The following WDFY3 variants were observed in gnomAD, a reference collection of about 807,000 sequenced individuals.
The protein encoded by WDFY3 is WD repeat and FYVE domain-containing protein 3.
A neutral mutation model predicts 409.6 loss-of-function variants in WDFY3; 66 were observed. The ratio of observed to expected loss-of-function variants is 0.16; its 90% CI spans 0.13 to 0.20. The LOEUF (loss-of-function observed/expected upper bound fraction) is 0.20. Ranked by LOEUF, WDFY3 falls within the 10% of genes least tolerant of loss-of-function variation. WDFY3 has a pLI of 1.00. For synonymous variants in WDFY3, 1,521 were observed against 1,537.1 expected (o/e 0.99, Z 0.25); for missense variants, 3,031 against 4,298.1 (o/e 0.71, Z 8.24).
intron 2 of WDFY3, among the ~76,000 whole-genome samples, chr4:84,898,419 G>GT (rs1000284480): frequency 6.6e-6 from 1 of 152,104 alleles, no homozygotes; most frequent in Non-Finnish European, 1.5e-5. Flanking sequence ...GTAGAAAAGA[G>GT]TTTTTTTGTT....
intron 15 of WDFY3, 129 bp downstream of exon 15, chr4:84,808,205 A>AAAAAC (rs771952035): frequency 6.2e-6 from 5 of 801,014 alleles, no homozygotes; most frequent in East Asian, 2.7e-5. Flanking sequence ...CCCCAAAAGT[A>AAAAAC]AAAACAAAAC....
At chr4:84,690,758 C>A in intron 60 of WDFY3, 94 bp from the exon 61 acceptor site, 1 of 1,416,420 alleles carries the variant, frequency 7.1e-7, no homozygotes, top group Non-Finnish European at 9.4e-7. Flanking sequence ...GGTGCAGGCA[C>A]CTCACCAGCA....
intron 4 of WDFY3, among the ~76,000 whole-genome samples, chr4:84,857,421 C>T (rs930629494): frequency 1.3e-5 from 2 of 152,086 alleles, no homozygotes; most frequent in African/African-American, 4.8e-5. Flanking sequence ...ATGTTAATAG[C>T]CAAGAACAAT....
intron 3 of WDFY3, among the ~76,000 whole-genome samples, chr4:84,865,180 C>T (rs552169242): frequency 5.3e-5 from 8 of 152,242 alleles, no homozygotes; most frequent in African/African-American, 1.9e-4. Flanking sequence ...TGAGCCACCG[C>T]ACCTGGCCTC....
At chr4:84,687,143 CCTT>C (rs768813205) in intron 62 of WDFY3, among the ~76,000 whole-genome samples, 22 of 152,030 alleles carry the variant, frequency 1.4e-4, no homozygotes, top group South Asian at 4.1e-4. Flanking sequence ...ACATTTCTAA[CCTT>C]CTTCTTCTTT....
chr4:84,810,161 T>C lies in WDFY3; in HGVS notation c.2071A>G (p.Thr691Ala). Reference sequence around the variant, plus strand: ...TCATAGCGCATTGCTGCAGTCAACGTGCAGAACACAGTGTGAAGAAGTTCA... The same window carrying C: ...TCATAGCGCATTGCTGCAGTCAACGCGCAGAACACAGTGTGAAGAAGTTCA... ...VFELLHTVFC[T>A]LTAAMRYEPA... is the part of the protein sequence containing the mutation. The change falls in exon 14 of 68, where the codon ACG (threonine) becomes GCG (alanine). Residue 691 changes from threonine (T) to alanine (A), a missense_variant. Physicochemically the swap from Thr to Ala is moderately conservative, Grantham distance 58. This residue lies in a region of WDFY3 where 1,322 missense variants were observed against 1,697.9 expected (regional missense o/e 0.78). Transcript: ENST00000295888. The C allele has an allele frequency of 6.2e-7, 1 of 1,614,174 alleles. No homozygotes were observed. Among genetic ancestry groups the C allele is most frequent in the Non-Finnish European group, 8.5e-7 (1 of 1,180,000 alleles).
intron 2 of WDFY3, among the ~76,000 whole-genome samples, chr4:84,914,779 G>A (rs1486658492): frequency 6.6e-6 from 1 of 152,170 alleles, no homozygotes; most frequent in Non-Finnish European, 1.5e-5. Context: ...AGCAAGTTTA[G>A]TGGTTCCTCA....
intron 1 of WDFY3, chr4:84,965,596 T>A (rs1325192436): frequency 6.6e-6 from 1 of 152,244 alleles, no homozygotes; most frequent in African/African-American, 2.4e-5. Flanking sequence ...TGTGAATGTT[T>A]GCGATGCCAC....
rs748483915 is a variant in WDFY3, at chr4:84,826,870, G to A, written c.1068C>T (p.Thr356=). 6 of 1,610,196 alleles carry A rather than the reference G, an allele frequency of 3.7e-6. No homozygotes were observed. Among genetic ancestry groups the A allele is most frequent in the South Asian group, 1.1e-5 (1 of 90,460 alleles). The change falls in exon 10 of 68, where the codon ACC becomes ACT. Residue 356 remains threonine, a synonymous_variant. Transcript: ENST00000295888. ...CAGGCAATAAAAAGGGTGCCCCTGTGGTAATACCAGCTGGTTTTAGTTCAC... is the reference window on the plus strand; with the variant it reads ...CAGGCAATAAAAAGGGTGCCCCTGTAGTAATACCAGCTGGTTTTAGTTCAC... ...GVSELKPAGI[T]TGAPFLLPGF...
At chr4:84,741,218 G>C (rs940257300) in intron 38 of WDFY3, among the ~76,000 whole-genome samples, 17 of 151,966 alleles carry the variant, frequency 1.1e-4, no homozygotes, top group African/African-American at 4.1e-4. Context: ...AAATCTATCT[G>C]GGTAGCAAAG....
At chr4:84,764,783 T>C (rs1743330922) in intron 32 of WDFY3, among the ~76,000 whole-genome samples, 1 of 149,458 alleles carries the variant, frequency 6.7e-6, no homozygotes, top group Admixed American at 6.7e-5. Flanking sequence ...GCAGGAAGAA[T>C]GAACCCGGAA....
At chr4:84,703,169 T>G (rs1341856774) in intron 55 of WDFY3, among the ~76,000 whole-genome samples, 2 of 152,088 alleles carry the variant, frequency 1.3e-5, no homozygotes, top group Admixed American at 6.5e-5. Context: ...AAGAAAAGAT[T>G]CTAATGTAAA....
At chr4:84,752,425 A>T (rs1405544207) in intron 35 of WDFY3, among the ~76,000 whole-genome samples, 1 of 151,984 alleles carries the variant, frequency 6.6e-6, no homozygotes, top group Admixed American at 6.6e-5. Flanking sequence ...GTGAGGCAGT[A>T]GAATCACAGG....
At position 84,739,529 on chromosome 4, in the gene WDFY3, C is replaced by G. The variant is rs553310811; in HGVS notation, c.6465-410G>C. On this transcript the variant is annotated intron_variant, in intron 39 of 67. Transcript: ENST00000295888. ...TGAGGTGCCACACTCCTTCTTCCCT[C>G]TGGGCATTCATACAGACTGTTCTTT... Among the ~76,000 whole-genome samples, 15 of 152,298 alleles carry G rather than the reference C, an allele frequency of 9.8e-5. No individual in the cohort carries two copies. In the South Asian group the frequency reaches 3.1e-3, roughly 32 times the overall value.
At chr4:84,892,321 A>G (rs901394162) in intron 3 of WDFY3, among the ~76,000 whole-genome samples, 9 of 151,990 alleles carry the variant, frequency 5.9e-5, no homozygotes, top group Non-Finnish European at 8.8e-5. Flanking sequence ...AATCTCTTAT[A>G]AAGTGTGCAT....
At chr4:84,949,833 G>A (rs1413023291) in intron 1 of WDFY3, among the ~76,000 whole-genome samples, 2 of 152,100 alleles carry the variant, frequency 1.3e-5, no homozygotes, top group African/African-American at 4.8e-5. Context: ...TTTACCTCAG[G>A]CCCCTTATAA....
intron 14 of WDFY3, chr4:84,808,873 T>C (rs1472971774): frequency 1.3e-5 from 2 of 152,248 alleles, no homozygotes; most frequent in Non-Finnish European, 2.9e-5. Context: ...TTTACAATTG[T>C]TGTCAAAGCT....
intron 36 of WDFY3, among the ~76,000 whole-genome samples, chr4:84,748,982 C>T (rs1740004727): frequency 6.6e-6 from 1 of 151,746 alleles, no homozygotes; most frequent in South Asian, 2.1e-4. Flanking sequence ...ACTTTGAACA[C>T]CTGGGCTCAA....
intron 61 of WDFY3, 94 bp from the exon 62 acceptor site, chr4:84,688,359 G>C (rs1379518779): frequency 7.9e-7 from 1 of 1,259,458 alleles, no homozygotes; most frequent in African/African-American, 1.5e-5. Context: ...AGGAAGCAGT[G>C]GCACGCATGC....
Sources: gnomAD v4.1 joint callset for allele counts (sites outside exome capture counted in the v4.1 genomes callset) on GRCh38, gnomAD v4.1.1 for gene constraint, gnomAD v4.1.1 regional missense constraint, MANE v1.5 for transcripts, NCBI Gene and HGNC (gene_info 2026-07-23, HGNC 2026-07-21) for gene names.